TRDN: variants seen among roughly 807,000 people sequenced by gnomAD.
The protein encoded by TRDN is triadin, also known as triadin in skeletal muscle.
Under a neutral mutation model 149.7 loss-of-function variants are expected in TRDN, and 161 were observed. That is an observed-to-expected ratio of 1.08 (90% CI 0.95 to 1.23). The LOEUF (loss-of-function observed/expected upper bound fraction) is 1.23. Among genes scored for constraint, TRDN ranks in the 50% most tolerant of loss-of-function variants. The pLI is 0.00. For synonymous variants in TRDN, 294 were observed against 250.5 expected (o/e 1.17, Z -1.64); for missense variants, 896 against 823.5 (o/e 1.09, Z -1.08).
chr6:123,375,390 A>G (rs998148810), intron 19 of TRDN, among the ~76,000 whole-genome samples: 3 of 152,166 alleles, frequency 2.0e-5, no homozygotes, highest in African/African-American at 7.2e-5. Flanking sequence ...GATGTGGCCA[A>G]ATTAACAAAT....
intron 1 of TRDN, among the ~76,000 whole-genome samples, chr6:123,587,749 G>T (rs1369331875): frequency 6.7e-6 from 1 of 150,198 alleles, no homozygotes; most frequent in Non-Finnish European, 1.5e-5. Context: ...TAGGATTTGG[G>T]TAGGTAAAGC....
intron 12 of TRDN, among the ~76,000 whole-genome samples, chr6:123,432,207 T>C (rs1774364620): frequency 6.6e-6 from 1 of 152,166 alleles, no homozygotes; most frequent in African/African-American, 2.4e-5. Flanking sequence ...CAAACTTTCC[T>C]CAGTGAGCAC....
chr6:123,278,415 A>G lies in TRDN; in HGVS notation c.1538-68T>C. 4 of 978,016 alleles carry G rather than the reference A, an allele frequency of 4.1e-6. No homozygotes were observed. In the South Asian group the frequency reaches 6.4e-5, roughly 16 times the overall value. 60.6% of individuals were successfully genotyped at this position (978,016 alleles called of 1,614,324 possible). ...ATATTCATTTCCTATATACTTGTGCATATTTATTTTTATATAATTATTTTC... is the reference window on the plus strand; with the variant it reads ...ATATTCATTTCCTATATACTTGTGCGTATTTATTTTTATATAATTATTTTC... On this transcript the variant is annotated intron_variant, in intron 25 of 40. Transcript: ENST00000334268.
chr6:123,582,240 G>A (rs1321869), intron 1 of TRDN, among the ~76,000 whole-genome samples: 110,914 of 152,010 alleles, frequency 0.73, 40,971 homozygotes, highest in East Asian at 0.96. Context: ...TCTGATTGAC[G>A]GCTGGTTGAA....
At chr6:123,224,167 C>T in intron 38 of TRDN, 36 bp from the exon 39 acceptor site, 2 of 1,599,476 alleles carry the variant, frequency 1.3e-6, no homozygotes, top group Non-Finnish European at 1.7e-6. Context: ...GAATCACAGT[C>T]AATTTTTCAG....
At chr6:123,494,023 T>C (rs1778330187) in intron 9 of TRDN, among the ~76,000 whole-genome samples, 1 of 152,206 alleles carries the variant, frequency 6.6e-6, no homozygotes, top group African/African-American at 2.4e-5. Context: ...CTCTCCCTTC[T>C]TCCTTTTCAA....
intron 1 of TRDN, among the ~76,000 whole-genome samples, chr6:123,573,601 G>A (rs971218374): frequency 4.4e-4 from 67 of 152,030 alleles, no homozygotes; most frequent in African/African-American, 1.5e-3. Context: ...CTCAAAAAAG[G>A]ATTCTCTGAC....
chr6:123,403,593 T>C (rs1032509131), intron 12 of TRDN, among the ~76,000 whole-genome samples: 2 of 152,086 alleles, frequency 1.3e-5, no homozygotes, highest in African/African-American at 4.8e-5. Flanking sequence ...GAAAAAAGCA[T>C]AGGTATAAGT....
chr6:123,388,174 A>G (rs914434935), intron 14 of TRDN, among the ~76,000 whole-genome samples: 1 of 152,138 alleles, frequency 6.6e-6, no homozygotes, highest in African/African-American at 2.4e-5. Context: ...TGTTTTATAT[A>G]CCCCAAAGGC....
At chr6:123,249,348 C>T (rs1776297082) in intron 38 of TRDN, among the ~76,000 whole-genome samples, 2 of 152,084 alleles carry the variant, frequency 1.3e-5, no homozygotes, top group African/African-American at 4.8e-5. Context: ...TAAATTGGTT[C>T]AATTCCTATG....
At chr6:123,418,944 G>C (rs188647876) in intron 12 of TRDN, among the ~76,000 whole-genome samples, 104 of 152,056 alleles carry the variant, frequency 6.8e-4, no homozygotes, top group Non-Finnish European at 1.2e-3. Context: ...CTTGCACCAG[G>C]ACGACTGAAT....
intron 16 of TRDN, among the ~76,000 whole-genome samples, chr6:123,379,895 T>G (rs918720680): frequency 1.3e-5 from 2 of 152,092 alleles, no homozygotes; most frequent in Non-Finnish European, 2.9e-5. Context: ...TTAACCATAA[T>G]TAAAAATATC....
At chr6:123,568,153 T>C (rs1053534738) in intron 2 of TRDN, among the ~76,000 whole-genome samples, 1 of 152,166 alleles carries the variant, frequency 6.6e-6, no homozygotes, top group African/African-American at 2.4e-5. Flanking sequence ...CATTAAATCT[T>C]AAGGTTCCAA....
At chr6:123,283,572 A>G (rs2114635887) in intron 24 of TRDN, among the ~76,000 whole-genome samples, 1 of 151,760 alleles carries the variant, frequency 6.6e-6, no homozygotes, top group African/African-American at 2.4e-5. Context: ...CAAGGAAACA[A>G]GAGAGAAGAT....
At chr6:123,524,496 G>A (rs983623542) in intron 5 of TRDN, among the ~76,000 whole-genome samples, 4 of 152,208 alleles carry the variant, frequency 2.6e-5, no homozygotes, top group African/African-American at 9.6e-5. Context: ...TTTAAGATAT[G>A]TGCACATTAA....
At chr6:123,418,185 C>T (rs1309433618) in intron 12 of TRDN, among the ~76,000 whole-genome samples, 1 of 152,116 alleles carries the variant, frequency 6.6e-6, no homozygotes, top group Non-Finnish European at 1.5e-5. Context: ...TAGGAATACA[C>T]ACCAGCTGGC....
In TRDN at chr6:123,268,915, T is replaced by G. The variant is rs569236053; in HGVS notation, c.1738+934A>C. Among the ~76,000 whole-genome samples, 12 of 152,090 alleles carry G rather than the reference T, an allele frequency of 7.9e-5. No homozygotes were observed. The East Asian group carries it at 1.9e-3, about 25-fold the overall frequency. ...TATATTCAAAATACAATTCACAGATTCTAGGATGTGAATGTGTTCTGATTA... is the reference window on the plus strand; with the variant it reads ...TATATTCAAAATACAATTCACAGATGCTAGGATGTGAATGTGTTCTGATTA... On this transcript the variant is annotated intron_variant, in intron 31 of 40. Coordinates refer to ENST00000334268, the MANE Select transcript of TRDN (RefSeq NM_006073.4).
intron 10 of TRDN, among the ~76,000 whole-genome samples, chr6:123,444,586 C>G (rs1400127454): frequency 6.7e-6 from 1 of 149,872 alleles, no homozygotes; most frequent in African/African-American, 2.5e-5. Context: ...AGAGGGCATC[C>G]CTGTCTTGTG....
rs1046771693 is a variant in TRDN, at chr6:123,442,494, C to T, written c.932-3491G>A. Among the ~76,000 whole-genome samples the T allele has an allele frequency of 8.5e-5, 9 of 105,342 alleles. 2 individuals carry two copies. Among genetic ancestry groups the T allele is most frequent in the African/African-American group, 4.7e-4 (9 of 19,048 alleles). 69.1% of individuals were successfully genotyped at this position (105,342 alleles called of 152,430 possible). A position where few individuals can be genotyped will look rare whatever the true frequency, so the allele number is the denominator to read the frequency against. On this transcript the variant is annotated intron_variant, in intron 10 of 40. Coordinates refer to ENST00000334268, the MANE Select transcript of TRDN (RefSeq NM_006073.4). The stretch of plus-strand genomic sequence containing the variant: ...CCTGGAGGCGGAGCTTGCAGTGAGC[C>T]GAGATTGCGCCACTGCACTCCCGCC...
Sources: gnomAD v4.1 joint callset for allele counts (sites outside exome capture counted in the v4.1 genomes callset) on GRCh38, gnomAD v4.1.1 for gene constraint, MANE v1.5 for transcripts, NCBI Gene and HGNC (gene_info 2026-07-23, HGNC 2026-07-21) for gene names.